Variants in CDC16 observed in about 807,000 individuals in gnomAD.
CDC16 encodes the protein cell division cycle 16, also known as cell division cycle protein 16 homolog.
Under a neutral mutation model 87.0 loss-of-function variants are expected in CDC16, and 34 were observed. The ratio of observed to expected loss-of-function variants is 0.39; its 90% CI spans 0.30 to 0.52. The LOEUF (loss-of-function observed/expected upper bound fraction) is 0.52. CDC16 is among the 20% of genes least tolerant of loss of function. CDC16 has a pLI of 0.74. For missense variants in CDC16, 653 were observed against 751.9 expected (o/e 0.87, Z 1.54); for synonymous variants, 263 against 260.6 (o/e 1.01, Z -0.09).
At chr13:114,251,144 T>C (rs2082150883) in intron 12 of CDC16, among the ~76,000 whole-genome samples, 1 of 152,182 alleles carries the variant, frequency 6.6e-6, no homozygotes, top group Non-Finnish European at 1.5e-5. Flanking sequence ...CATTGACTGT[T>C]TGGTCTCACC....
Position 114,239,031 on chromosome 13 carries a change from A to G in CDC16, c.240+3A>G. On this transcript the variant is annotated splice_donor_region_variant and intron_variant, in intron 4 of 17. Transcript: ENST00000356221. ...GTTACCTTGCAGCTAGGTGCCATGTAAGTATGCTCATAATTTCATTTTTAT... is the reference window on the plus strand; with the variant it reads ...GTTACCTTGCAGCTAGGTGCCATGTGAGTATGCTCATAATTTCATTTTTAT... 6.2e-7 allele frequency: 1 copy of G among 1,606,350 alleles called. No homozygotes were observed.
At chr13:114,263,258 C>G (rs530572900) in intron 16 of CDC16, among the ~76,000 whole-genome samples, 20 of 152,338 alleles carry the variant, frequency 1.3e-4, no homozygotes, top group African/African-American at 4.6e-4. Context: ...GTGGCACTCA[C>G]CAGTGATCTG....
intron 14 of CDC16, 34 bp from the exon 15 acceptor site, chr13:114,261,853 T>A: frequency 6.7e-7 from 1 of 1,502,032 alleles, no homozygotes; most frequent in Non-Finnish European, 9.1e-7. Context: ...CAGTGACATA[T>A]ATAACTCGTG....
At chr13:114,242,072 T>C (rs777041723) in intron 5 of CDC16, 49 bp from the exon 6 acceptor site, 1 of 1,546,704 alleles carries the variant, frequency 6.5e-7, no homozygotes, top group Non-Finnish European at 8.7e-7. Flanking sequence ...AAAAAAAAGT[T>C]AAGTTTAAAA....
chr13:114,241,195 G>A (rs972686530), intron 5 of CDC16, among the ~76,000 whole-genome samples: 12 of 152,186 alleles, frequency 7.9e-5, no homozygotes, highest in Admixed American at 3.3e-4. Flanking sequence ...CACAGAGATG[G>A]TAGCATCTCT....
intron 5 of CDC16, among the ~76,000 whole-genome samples, chr13:114,240,992 A>G (rs17337898): frequency 2.0e-5 from 3 of 152,214 alleles, no homozygotes; most frequent in East Asian, 1.9e-4. Context: ...CTCATAATTC[A>G]TTATTTTTTC....
intron 7 of CDC16, 79 bp from the exon 8 acceptor site, chr13:114,243,777 T>C: frequency 8.1e-7 from 1 of 1,236,634 alleles, no homozygotes; most frequent in Non-Finnish European, 1.1e-6. Flanking sequence ...TTTAACCACT[T>C]GGGCCAAACA....
chr13:114,240,075 T>C (rs917419501), intron 5 of CDC16, among the ~76,000 whole-genome samples: 1 of 152,202 alleles, frequency 6.6e-6, no homozygotes, highest in African/African-American at 2.4e-5. Context: ...CCATTTAAAC[T>C]GTATGGTTTG....
At chr13:114,248,721 C>A (rs2081996954) in intron 11 of CDC16, among the ~76,000 whole-genome samples, 1 of 151,948 alleles carries the variant, frequency 6.6e-6, no homozygotes, top group African/African-American at 2.4e-5. Flanking sequence ...AGATGTCATA[C>A]TCATATAGCA....
At chr13:114,247,253 C>T in intron 11 of CDC16, 1 of 441,624 alleles carries the variant, frequency 2.3e-6, no homozygotes, top group South Asian at 2.8e-5. Context: ...TAATAGCTCA[C>T]CTCAAACTCA....
Position 114,242,208 on chromosome 13 carries a change from T to C in CDC16, c.469T>C (p.Leu157=). 1.9e-6 allele frequency: 3 copies of C among 1,614,220 alleles called. No homozygotes were observed. Among genetic ancestry groups the C allele is most frequent in the Non-Finnish European group, 2.5e-6 (3 of 1,180,038 alleles). Reference sequence around the variant, plus strand: ...GGCTACCTACAGCTACAAAGAAGCTTTGAAGCTTGATGTCTACTGTTTTGA... The same window carrying C: ...GGCTACCTACAGCTACAAAGAAGCTCTGAAGCTTGATGTCTACTGTTTTGA... ...TLATYSYKEA[L]KLDVYCFEAF... Residue 157 remains leucine (L), a synonymous_variant, in exon 6 of 18, where the codon TTG becomes CTG. Transcript: ENST00000356221.
At position 114,247,079 on chromosome 13, in the gene CDC16, T is replaced by C. The variant is rs1594587422; in HGVS notation, c.971+75T>C. On this transcript the variant is annotated intron_variant, in intron 11 of 17. Transcript: ENST00000356221. ...TGCTCATAAGCTTTCAAGTAGTAAT[T>C]AGTGAGTACTTTAAAAGCAATGTGA... 5.9e-6 allele frequency: 5 copies of C among 851,086 alleles called. No individual in the cohort carries two copies. The East Asian group carries it at 1.2e-4, about 21-fold the overall frequency. 52.7% of individuals were successfully genotyped at this position (851,086 alleles called of 1,614,324 possible). A position where few individuals can be genotyped will look rare whatever the true frequency, so the allele number is the denominator to read the frequency against.
chr13:114,238,451 G>A (rs1038684792), intron 3 of CDC16, among the ~76,000 whole-genome samples: 2 of 149,110 alleles, frequency 1.3e-5, no homozygotes, highest in African/African-American at 5.0e-5. Flanking sequence ...AAGTGGAGCT[G>A]CTGCGAGCTC....
chr13:114,267,963 G>GA (rs1270973921), intron 17 of CDC16, among the ~76,000 whole-genome samples: 9 of 152,238 alleles, frequency 5.9e-5, no homozygotes, highest in African/African-American at 2.2e-4. Flanking sequence ...AATGGCCACT[G>GA]AAAGACTGAA....
chr13:114,266,422 T>TTG (rs2083215131), intron 17 of CDC16, among the ~76,000 whole-genome samples: 2 of 152,144 alleles, frequency 1.3e-5, no homozygotes, highest in South Asian at 4.1e-4. Flanking sequence ...GTAATACCCA[T>TTG]TGTAAAGTTG....
chr13:114,245,387 A>G (rs529060043), intron 9 of CDC16, among the ~76,000 whole-genome samples: 26 of 151,592 alleles, frequency 1.7e-4, no homozygotes, highest in Middle Eastern at 3.4e-3. Context: ...AACATTTGAC[A>G]TTTAGTTGTG....
At chr13:114,271,760 T>C (rs1420328612) in intron 17 of CDC16, among the ~76,000 whole-genome samples, 3 of 151,912 alleles carry the variant, frequency 2.0e-5, no homozygotes, top group Non-Finnish European at 2.9e-5. Flanking sequence ...GGATTATAGG[T>C]GTGAGCCACC....
intron 7 of CDC16, 137 bp from the exon 8 acceptor site, chr13:114,243,719 C>CT (rs1178336090): frequency 6.3e-5 from 40 of 637,906 alleles, no homozygotes; most frequent in Non-Finnish European, 1.0e-4. Flanking sequence ...CTTATAAAAC[C>CT]TAAAGTTATA....
Position 114,234,977 on chromosome 13 carries a change from C to T in CDC16, c.-108C>T, listed in dbSNP as rs1340371268. The T allele has an allele frequency of 1.2e-6, 1 of 834,858 alleles. No homozygotes were observed. Among genetic ancestry groups the T allele is most frequent in the Non-Finnish European group, 1.6e-6 (1 of 625,752 alleles). 51.7% of individuals were successfully genotyped at this position (834,858 alleles called of 1,614,324 possible). On this transcript the variant is annotated 5_prime_UTR_variant, in exon 1 of 18. Coordinates refer to ENST00000356221, the MANE Select transcript of CDC16 (RefSeq NM_001078645.3). ...AGTCCGCGGCCTTCGAGTCCTGGGG[C>T]GGCGGCGGCGGCTGCAGGCACGGGC... is the stretch of plus-strand genomic sequence containing the variant.
Sources: allele counts gnomAD v4.1 joint callset (sites outside exome capture counted in the v4.1 genomes callset), GRCh38; gene constraint gnomAD v4.1.1; transcripts MANE v1.5; gene names NCBI Gene and HGNC (gene_info 2026-07-23, HGNC 2026-07-21).